HHAT: variants seen among roughly 807,000 people sequenced by gnomAD.
HHAT encodes protein-cysteine N-palmitoyltransferase HHAT.
Under a neutral mutation model 70.8 loss-of-function variants are expected in HHAT, and 47 were observed. The observed-to-expected ratio is 0.66, with a 90% confidence interval of 0.53 to 0.85. The LOEUF is 0.85. HHAT is among the 40% of genes least tolerant of loss of function. HHAT has a pLI of 0.00. For missense variants in HHAT, 609 were observed against 604.8 expected (o/e 1.01, Z -0.07); for synonymous variants, 228 against 247.6 (o/e 0.92, Z 0.74).
intron 8 of HHAT, among the ~76,000 whole-genome samples, chr1:210,483,990 C>T (rs1296861878): frequency 6.6e-6 from 1 of 152,184 alleles, no homozygotes; most frequent in Non-Finnish European, 1.5e-5. Flanking sequence ...GGGATTGTGA[C>T]TGATTGACCG....
intron 9 of HHAT, among the ~76,000 whole-genome samples, chr1:210,574,948 G>A (rs552613545): frequency 6.6e-6 from 1 of 152,332 alleles, no homozygotes; most frequent in South Asian, 2.1e-4. Context: ...GGCAGGAGTG[G>A]CACTGAATAG....
intron 9 of HHAT, among the ~76,000 whole-genome samples, chr1:210,527,824 T>A (rs1462812915): frequency 6.6e-6 from 1 of 152,224 alleles, no homozygotes; most frequent in Non-Finnish European, 1.5e-5. Flanking sequence ...AGCAAATATT[T>A]AATAGCACTG....
chr1:210,449,499 T>C (rs902874657), intron 7 of HHAT, among the ~76,000 whole-genome samples: 2 of 152,220 alleles, frequency 1.3e-5, no homozygotes, highest in African/African-American at 4.8e-5. Context: ...TCTTCATGCT[T>C]TGTCTATGCC....
rs549341428 is a variant in HHAT, at chr1:210,519,766, G to A, written c.1043+6578G>A. ...TGCTTTTGAACTCCTGAGCTCAAGC[G>A]ATTCTCCTGCCTTGGCCTCCCAAAG... On this transcript the variant is annotated intron_variant, in intron 9 of 11. Coordinates refer to ENST00000261458, the MANE Select transcript of HHAT (RefSeq NM_018194.6). Among the ~76,000 whole-genome samples, 32 of 150,480 alleles carry A rather than the reference G, an allele frequency of 2.1e-4. 1 individual carries two copies. The highest frequency in any genetic ancestry group is 4.1e-4 in the African/African-American group (17 of 41,038).
chr1:210,570,072 A>T (rs1224106486), intron 9 of HHAT, among the ~76,000 whole-genome samples: 2 of 152,214 alleles, frequency 1.3e-5, no homozygotes, highest in Non-Finnish European at 2.9e-5. Flanking sequence ...TATACAGTTT[A>T]TGTGATACCA....
At chr1:210,547,026 A>G (rs1381710483) in intron 9 of HHAT, among the ~76,000 whole-genome samples, 1 of 152,046 alleles carries the variant, frequency 6.6e-6, no homozygotes, top group Non-Finnish European at 1.5e-5. Context: ...GCTGAAATGG[A>G]ATAGAGAGAA....
intron 1 of HHAT, among the ~76,000 whole-genome samples, chr1:210,337,308 T>C (rs571774127): frequency 4.3e-4 from 66 of 152,338 alleles, no homozygotes; most frequent in Non-Finnish European, 8.4e-4. Context: ...TTTCTATAAA[T>C]CCTTTCAGTT....
In HHAT at chr1:210,561,114, G is replaced by A. The variant is rs144212580; in HGVS notation, c.1044-26784G>A. Among the ~76,000 whole-genome samples, 351 of 152,242 alleles carry A rather than the reference G, an allele frequency of 2.3e-3. 1 individual carries two copies. Among genetic ancestry groups the A allele is most frequent in the African/African-American group, 8.2e-3 (341 of 41,548 alleles). On this transcript the variant is annotated intron_variant, in intron 9 of 11. Coordinates refer to ENST00000261458, the MANE Select transcript of HHAT (RefSeq NM_018194.6). ...TTCCAGTTTCTAGCTGAGGTGTGGG[G>A]TAAGTCCCATAGAACTAGGTGATTT...
At chr1:210,520,094 T>C (rs1016453169) in intron 9 of HHAT, among the ~76,000 whole-genome samples, 1 of 152,230 alleles carries the variant, frequency 6.6e-6, no homozygotes, top group East Asian at 1.9e-4. Context: ...CAGCTCACTG[T>C]AACCTCTGCC....
chr1:210,664,788 G>A (rs1487805082), intron 11 of HHAT, among the ~76,000 whole-genome samples: 2 of 152,172 alleles, frequency 1.3e-5, no homozygotes, highest in African/African-American at 4.8e-5. Context: ...CAAGTCATGA[G>A]GGAGAGGCCA....
intron 11 of HHAT, among the ~76,000 whole-genome samples, chr1:210,627,817 C>T (rs541430758): frequency 6.6e-6 from 1 of 152,256 alleles, no homozygotes; most frequent in Admixed American, 6.5e-5. Context: ...GGCTCACAAA[C>T]TTTATTTAAA....
intron 3 of HHAT, among the ~76,000 whole-genome samples, chr1:210,381,230 A>G (rs944063176): frequency 1.3e-5 from 2 of 151,990 alleles, no homozygotes; most frequent in Non-Finnish European, 2.9e-5. Context: ...ATGCTTAATA[A>G]AATTTATTGA....
chr1:210,387,593 T>G lies in HHAT; in HGVS notation c.273+12T>G, dbSNP rs1347566432. ...TGCTGGCAAGAAAGGTATGATTATA[T>G]GTGTTGTTACCTTTTAAGTGTGTTT... is the stretch of plus-strand genomic sequence containing the variant. On this transcript the variant is annotated intron_variant, in intron 4 of 11. Coordinates refer to ENST00000261458, the MANE Select transcript of HHAT (RefSeq NM_018194.6). 14 of 1,592,214 alleles carry G rather than the reference T, an allele frequency of 8.8e-6. No individual in the cohort carries two copies. The highest frequency in any genetic ancestry group is 1.3e-5 in the African/African-American group (1 of 74,546).
chr1:210,595,473 A>G (rs1188133877), intron 10 of HHAT, among the ~76,000 whole-genome samples: 2 of 152,240 alleles, frequency 1.3e-5, no homozygotes, highest in Admixed American at 6.5e-5. Context: ...TCCTTTGGGT[A>G]TATACCCAGT....
intron 7 of HHAT, among the ~76,000 whole-genome samples, chr1:210,459,798 C>A (rs1195839416): frequency 6.6e-6 from 1 of 152,236 alleles, no homozygotes; most frequent in East Asian, 1.9e-4. Flanking sequence ...GAATAACAAA[C>A]CATCTACAAA....
intron 3 of HHAT, among the ~76,000 whole-genome samples, chr1:210,364,217 T>C (rs184879628): frequency 1.6e-3 from 240 of 152,346 alleles, no homozygotes; most frequent in Non-Finnish European, 2.9e-3. Flanking sequence ...TTTCTAGATG[T>C]TTCTTATTTA....
At chr1:210,417,823 G>A (rs2092769784) in intron 6 of HHAT, among the ~76,000 whole-genome samples, 2 of 152,118 alleles carry the variant, frequency 1.3e-5, no homozygotes, top group Non-Finnish European at 2.9e-5. Context: ...CAAATTCCCA[G>A]TGGGGAAAAT....
At chr1:210,482,739 C>T (rs879859405) in intron 8 of HHAT, among the ~76,000 whole-genome samples, 10 of 152,168 alleles carry the variant, frequency 6.6e-5, no homozygotes, top group Non-Finnish European at 1.0e-4. Context: ...TTATTAAAGG[C>T]ATGCACAGCA....
chr1:210,484,948 G>C (rs2094452286), intron 8 of HHAT, among the ~76,000 whole-genome samples: 2 of 151,928 alleles, frequency 1.3e-5, no homozygotes, highest in Admixed American at 6.6e-5. Context: ...TCCCTCTGTG[G>C]TCCCTAAAGT....
Sources: allele counts gnomAD v4.1 joint callset (sites outside exome capture counted in the v4.1 genomes callset), GRCh38; gene constraint gnomAD v4.1.1; transcripts MANE v1.5; gene names NCBI Gene and HGNC (gene_info 2026-07-23, HGNC 2026-07-21).